The following THADA variants were observed in gnomAD, a reference collection of about 807,000 sequenced individuals.
THADA encodes THADA armadillo repeat containing, also known as tRNA (32-2'-O)-methyltransferase regulator THADA.
Under a neutral mutation model 219.8 loss-of-function variants are expected in THADA, and 213 were observed. The observed-to-expected ratio is 0.97, with a 90% CI of 0.87 to 1.09. The LOEUF (loss-of-function observed/expected upper bound fraction) is 1.09. Among genes scored for constraint, THADA ranks in the 50% least tolerant of loss-of-function variants. THADA has a pLI of 0.00. For synonymous variants in THADA, 1,018 were observed against 828.9 expected (o/e 1.23, Z -3.92); for missense variants, 2,956 against 2,311.3 (o/e 1.28, Z -5.72).
intron 29 of THADA, among the ~76,000 whole-genome samples, chr2:43,368,146 C>G (rs921290930): frequency 2.6e-5 from 4 of 152,010 alleles, no homozygotes; most frequent in Non-Finnish European, 4.4e-5. Flanking sequence ...AAGAAACAAA[C>G]AAACAAAAAC....
intron 36 of THADA, among the ~76,000 whole-genome samples, chr2:43,279,346 A>G (rs1440648595): frequency 6.6e-6 from 1 of 152,210 alleles, no homozygotes; most frequent in Non-Finnish European, 1.5e-5. Context: ...TGTCACATAT[A>G]AAAACTCAGG....
At chr2:43,375,343 T>A (rs1671251000) in intron 29 of THADA, among the ~76,000 whole-genome samples, 1 of 152,212 alleles carries the variant, frequency 6.6e-6, no homozygotes, top group Non-Finnish European at 1.5e-5. Context: ...ATCCAGTTTG[T>A]CAATGAAACT....
At position 43,428,160 on chromosome 2, in the gene THADA, G is replaced by A. The variant is rs958389576; in HGVS notation, c.3998C>T (p.Ser1333Phe). The A allele has an allele frequency of 1.9e-6, 3 of 1,610,594 alleles. No individual in the cohort carries two copies. Among genetic ancestry groups the A allele is most frequent in the African/African-American group, 1.3e-5 (1 of 74,832 alleles). ...AGCAGAAGAAGTACCATCCATCGGG[G>A]AAGCGTAGAGTCTCTCCAACACCAA... Reference protein sequence around the residue: ...LLLVLERLYASPMDGTSSALS... With the variant: ...LLLVLERLYAFPMDGTSSALS... The change falls in exon 28 of 38, where the codon TCC becomes TTC. Residue 1333 changes from serine (S) to phenylalanine (F), a missense_variant. Ser to Phe is a radical substitution (Grantham distance 155, BLOSUM62 -2). Transcript: ENST00000405975.
At chr2:43,273,415 G>A (rs1672357138) in intron 36 of THADA, among the ~76,000 whole-genome samples, 1 of 152,128 alleles carries the variant, frequency 6.6e-6, no homozygotes, top group African/African-American at 2.4e-5. Flanking sequence ...TTCTTCTTTA[G>A]AAAAAGGTAC....
chr2:43,410,317 G>A (rs1195517398), intron 28 of THADA, among the ~76,000 whole-genome samples: 2 of 152,166 alleles, frequency 1.3e-5, no homozygotes, highest in African/African-American at 2.4e-5. Context: ...CACTCTGGAA[G>A]ACAATTTGGC....
intron 31 of THADA, among the ~76,000 whole-genome samples, chr2:43,308,568 G>A (rs1677116800): frequency 6.6e-6 from 1 of 151,886 alleles, no homozygotes; most frequent in Admixed American, 6.6e-5. Context: ...AGGGCATGGT[G>A]GCATGTGCCT....
At chr2:43,551,991 G>C (rs1258537224) in intron 18 of THADA, 66 bp from the exon 19 acceptor site, 1 of 1,577,606 alleles carries the variant, frequency 6.3e-7, no homozygotes, top group Non-Finnish European at 8.6e-7. Context: ...ATGAAAATTA[G>C]ATAAAAGGAT....
chr2:43,400,520 T>C (rs549459202), intron 28 of THADA, among the ~76,000 whole-genome samples: 20 of 141,790 alleles, frequency 1.4e-4, no homozygotes, highest in South Asian at 6.8e-4. Flanking sequence ...TACTGTTTTG[T>C]CGCCTACTGG....
At chr2:43,590,352 T>C (rs1701421685) in intron 4 of THADA, among the ~76,000 whole-genome samples, 1 of 152,126 alleles carries the variant, frequency 6.6e-6, no homozygotes, top group Non-Finnish European at 1.5e-5. Context: ...TTATTAAGCA[T>C]GTGACCTAAG....
intron 28 of THADA, among the ~76,000 whole-genome samples, chr2:43,402,671 A>G (rs1023655228): frequency 6.6e-6 from 1 of 152,236 alleles, no homozygotes; most frequent in Non-Finnish European, 1.5e-5. Flanking sequence ...GTCAGGTACC[A>G]GAGAACTGGA....
chr2:43,430,377 A>C, intron 26 of THADA, 75 bp from the exon 27 acceptor site: 1 of 750,532 alleles, frequency 1.3e-6, no homozygotes, highest in Admixed American at 3.0e-5. Flanking sequence ...TTTTTAAAAA[A>C]AGGAAGATAA....
At chr2:43,561,131 AGGAATCTTTTG>A (rs1299371692) in intron 15 of THADA, among the ~76,000 whole-genome samples, 1 of 152,192 alleles carries the variant, frequency 6.6e-6, no homozygotes, top group Admixed American at 6.5e-5. Context: ...AAGATAAAGA[AGGAATCTTTTG>A]GCCCTTCAGG....
chr2:43,461,569 T>C (rs182471227), intron 26 of THADA, among the ~76,000 whole-genome samples: 4 of 152,296 alleles, frequency 2.6e-5, no homozygotes, highest in East Asian at 1.9e-4. Context: ...TCTGGGTTAA[T>C]AGAGTCTTTG....
chr2:43,574,680 A>T lies in THADA; in HGVS notation c.1385T>A (p.Val462Glu). The change falls in exon 11 of 38, where the codon GTA becomes GAA. Residue 462 changes from valine (V) to glutamate (E), a missense_variant. By Grantham distance (121) the Val-to-Glu change is moderately radical. Coordinates refer to ENST00000405975, the MANE Select transcript of THADA (RefSeq NM_022065.5). ...AATATGTTCAACTCCTATGCACTCT[A>T]CCAAACAACCAAGGCACGTGTACTT... The part of the protein sequence containing the change: ...KGKYTCLGCL[V>E]ECIGVEHILA... The T allele has an allele frequency of 6.2e-7, 1 of 1,614,038 alleles. No individual in the cohort carries two copies. Among genetic ancestry groups the T allele is most frequent in the South Asian group, 1.1e-5 (1 of 91,092 alleles).
chr2:43,256,769 A>T (rs1670358378), intron 36 of THADA, among the ~76,000 whole-genome samples: 1 of 151,594 alleles, frequency 6.6e-6, no homozygotes, highest in East Asian at 1.9e-4. Context: ...TGTACAGATG[A>T]AATCTCACTA....
At chr2:43,523,700 C>T (rs1692789298) in intron 22 of THADA, among the ~76,000 whole-genome samples, 1 of 152,126 alleles carries the variant, frequency 6.6e-6, no homozygotes. Flanking sequence ...ATGACAAAAA[C>T]TACTAAATGT....
chr2:43,432,592 A>G (rs1679508044), intron 26 of THADA, among the ~76,000 whole-genome samples: 2 of 152,246 alleles, frequency 1.3e-5, no homozygotes, highest in South Asian at 4.1e-4. Context: ...CATTTAGGAA[A>G]CTGACAGTTT....
At chr2:43,339,211 G>A (rs1666809185) in intron 30 of THADA, among the ~76,000 whole-genome samples, 1 of 152,150 alleles carries the variant, frequency 6.6e-6, no homozygotes, top group Non-Finnish European at 1.5e-5. Context: ...CAATGAAGGG[G>A]AAAACGGTGA....
At chr2:43,356,186 A>T (rs1430937794) in intron 29 of THADA, among the ~76,000 whole-genome samples, 1 of 152,194 alleles carries the variant, frequency 6.6e-6, no homozygotes, top group African/African-American at 2.4e-5. Context: ...GAAAACATTG[A>T]TTCATTCAAT....
Sources: gnomAD v4.1 joint callset for allele counts (sites outside exome capture counted in the v4.1 genomes callset) on GRCh38, gnomAD v4.1.1 for gene constraint, MANE v1.5 for transcripts, NCBI Gene and HGNC (gene_info 2026-07-23, HGNC 2026-07-21) for gene names.